Variants in MATN2 observed in about 807,000 individuals in gnomAD.
The protein encoded by MATN2 is matrilin-2.
Under a neutral mutation model 103.2 loss-of-function variants are expected in MATN2, and 69 were observed. The observed-to-expected ratio is 0.67, with a 90% CI of 0.55 to 0.82. The LOEUF is 0.82. Among genes scored for constraint, MATN2 ranks in the 40% least tolerant of loss-of-function variants. The pLI is 0.00. For missense variants in MATN2, 1,023 were observed against 1,211.5 expected (o/e 0.84, Z 2.31); for synonymous variants, 429 against 450.2 (o/e 0.95, Z 0.60).
At chr8:98,011,357 C>T (rs1813154497) in intron 10 of MATN2, among the ~76,000 whole-genome samples, 1 of 152,152 alleles carries the variant, frequency 6.6e-6, no homozygotes, top group Non-Finnish European at 1.5e-5. Flanking sequence ...ACCACCCTCA[C>T]TCTCATGTAT....
chr8:98,000,964 C>T (rs908390685), intron 7 of MATN2, among the ~76,000 whole-genome samples: 1 of 152,122 alleles, frequency 6.6e-6, no homozygotes, highest in Non-Finnish European at 1.5e-5. Context: ...TTGAGCTGAT[C>T]GTGAAGGAAG....
chr8:97,895,903 C>G (rs1818791638), intron 2 of MATN2, among the ~76,000 whole-genome samples: 1 of 152,240 alleles, frequency 6.6e-6, no homozygotes, highest in Non-Finnish European at 1.5e-5. Flanking sequence ...TGCTCAACCC[C>G]CAGCCCCTTT....
rs149863603 is a variant in MATN2, at chr8:97,896,050, C to T, written c.142+7808C>T. 1.4e-3 allele frequency among the ~76,000 whole-genome samples: 220 copies of T among 152,270 alleles called. 3 individuals carry two copies. In the East Asian group the frequency reaches 0.04, roughly 27 times the overall value. ...TGTGTAGACCATAGAATGCCCTGCC[C>T]ATCTGTATTTGGAGGTGCTGCTGCA... is the stretch of plus-strand genomic sequence containing the variant. On this transcript the variant is annotated intron_variant, in intron 2 of 18. Coordinates refer to ENST00000254898, the MANE Select transcript of MATN2 (RefSeq NM_002380.5).
At chr8:97,993,566 A>G (rs1377751712) in intron 6 of MATN2, among the ~76,000 whole-genome samples, 1 of 152,248 alleles carries the variant, frequency 6.6e-6, no homozygotes, top group Non-Finnish European at 1.5e-5. Flanking sequence ...TTCATGAAAT[A>G]CTTTTAAAAA....
Position 97,958,343 on chromosome 8 carries a change from T to C in MATN2, c.836-3065T>C, listed in dbSNP as rs763146678. On this transcript the variant is annotated intron_variant, in intron 4 of 18. Transcript: ENST00000254898. ...GAAGCTGCTGCCACCCTTCCAGAGC[T>C]GGTTCCAGCATGCTGGAGCGTCACC... 1.8e-4 allele frequency among the ~76,000 whole-genome samples: 27 copies of C among 152,296 alleles called. No individual in the cohort carries two copies. The South Asian group carries it at 5.4e-3, about 30-fold the overall frequency.
chr8:98,028,337 C>T (rs181225170), intron 14 of MATN2, among the ~76,000 whole-genome samples: 3 of 152,176 alleles, frequency 2.0e-5, no homozygotes, highest in East Asian at 3.9e-4. Flanking sequence ...TTAGCTTTTC[C>T]GAAAATCAAA....
intron 4 of MATN2, among the ~76,000 whole-genome samples, chr8:97,945,880 C>G (rs1391945488): frequency 6.6e-6 from 1 of 151,984 alleles, no homozygotes; most frequent in Non-Finnish European, 1.5e-5. Context: ...CTGTCCCCTC[C>G]CAGTGTCCCA....
intron 6 of MATN2, among the ~76,000 whole-genome samples, chr8:97,980,357 T>C (rs1341189329): frequency 1.3e-5 from 2 of 152,148 alleles, no homozygotes; most frequent in Admixed American, 6.6e-5. Flanking sequence ...GTCGTCGTGG[T>C]TGGGGAGTTG....
chr8:97,889,029 G>T (rs1818536756), intron 2 of MATN2, among the ~76,000 whole-genome samples: 1 of 152,082 alleles, frequency 6.6e-6, no homozygotes, highest in Non-Finnish European at 1.5e-5. Context: ...AAATAAATGA[G>T]GTAATATACA....
chr8:98,035,226 G>A (rs376203301), intron 18 of MATN2, among the ~76,000 whole-genome samples: 85 of 152,006 alleles, frequency 5.6e-4, no homozygotes, highest in African/African-American at 1.6e-3. Context: ...GCGTGGTGGC[G>A]CATGCCTGTA....
At chr8:97,969,560 G>T (rs1811589824) in intron 5 of MATN2, among the ~76,000 whole-genome samples, 1 of 152,186 alleles carries the variant, frequency 6.6e-6, no homozygotes, top group Non-Finnish European at 1.5e-5. Context: ...GTCACATGTA[G>T]GGAGCAGGAA....
At chr8:97,896,317 T>C (rs2130010521) in intron 2 of MATN2, among the ~76,000 whole-genome samples, 1 of 152,356 alleles carries the variant, frequency 6.6e-6, no homozygotes, top group Middle Eastern at 3.4e-3. Flanking sequence ...ATCTCAGATG[T>C]GGTGATGTCA....
intron 8 of MATN2, among the ~76,000 whole-genome samples, chr8:98,004,853 G>A (rs534306189): frequency 2.6e-5 from 4 of 152,206 alleles, no homozygotes; most frequent in Admixed American, 1.3e-4. Flanking sequence ...CCAGCTGGGC[G>A]GCTCCATGGT....
At chr8:97,988,171 A>AAAAAAATATATATAT (rs1252963740) in intron 6 of MATN2, among the ~76,000 whole-genome samples, 1 of 46,118 alleles carries the variant, frequency 2.2e-5, no homozygotes, top group Non-Finnish European at 3.9e-5. Context: ...AAAAAAAAAA[A>AAAAAAATATATATAT]ATATATATAT....
chr8:97,909,099 C>T (rs1452366675), intron 2 of MATN2, among the ~76,000 whole-genome samples: 2 of 152,136 alleles, frequency 1.3e-5, no homozygotes, highest in Non-Finnish European at 2.9e-5. Context: ...CCACCATGCC[C>T]AGATAATTTT....
At chr8:98,026,885 G>T (rs1813827174) in intron 13 of MATN2, among the ~76,000 whole-genome samples, 1 of 152,132 alleles carries the variant, frequency 6.6e-6, no homozygotes, top group Non-Finnish European at 1.5e-5. Flanking sequence ...TACAAAGCAG[G>T]TCCTCAATAA....
chr8:97,987,172 G>A (rs1812224312), intron 6 of MATN2, among the ~76,000 whole-genome samples: 1 of 152,040 alleles, frequency 6.6e-6, no homozygotes, highest in Non-Finnish European at 1.5e-5. Flanking sequence ...TCTCTACATT[G>A]CTTTCCATAG....
chr8:97,917,331 G>T (rs1809666003), intron 2 of MATN2, among the ~76,000 whole-genome samples: 4 of 152,202 alleles, frequency 2.6e-5, no homozygotes, highest in African/African-American at 9.7e-5. Context: ...TTGTTCAAGG[G>T]TACGCAGAGC....
At chr8:98,013,214 T>C (rs1173349615) in intron 10 of MATN2, among the ~76,000 whole-genome samples, 1 of 152,228 alleles carries the variant, frequency 6.6e-6, no homozygotes, top group African/African-American at 2.4e-5. Context: ...CATCCACCTT[T>C]GGCATTCTCT....
Sources: allele counts gnomAD v4.1 joint callset (sites outside exome capture counted in the v4.1 genomes callset), GRCh38; gene constraint gnomAD v4.1.1; transcripts MANE v1.5; gene names NCBI Gene and HGNC (gene_info 2026-07-23, HGNC 2026-07-21).